The following RBPJ variants were observed in gnomAD, a reference collection of about 807,000 sequenced individuals.
RBPJ encodes the protein recombining binding protein suppressor of hairless.
RBPJ carries 9 observed loss-of-function variants against 67.8 expected under a neutral mutation model. The ratio of observed to expected loss-of-function variants is 0.13; its 90% CI spans 0.08 to 0.23. RBPJ has a LOEUF of 0.23. Among genes scored for constraint, RBPJ ranks in the 10% least tolerant of loss-of-function variants. The pLI, the probability that RBPJ is intolerant of heterozygous loss-of-function variation, is 1.00. For synonymous variants in RBPJ, 198 were observed against 203.3 expected (o/e 0.97, Z 0.22); for missense variants, 305 against 595.6 (o/e 0.51, Z 5.08).
At chr4:26,429,597 T>C (rs1328515386) in intron 8 of RBPJ, among the ~76,000 whole-genome samples, 3 of 152,246 alleles carry the variant, frequency 2.0e-5, no homozygotes, top group African/African-American at 7.2e-5. Context: ...ATTGATCTGC[T>C]GTTAATGAAA....
At chr4:26,399,940 A>G (rs1732593782) in intron 2 of RBPJ, among the ~76,000 whole-genome samples, 1 of 152,090 alleles carries the variant, frequency 6.6e-6, no homozygotes. Context: ...CAGCCTCCCA[A>G]AGTGCTGTGA....
In RBPJ at chr4:26,424,017, A is replaced by G. The variant is rs758116931; in HGVS notation, c.497-325A>G. On this transcript the variant is annotated intron_variant, in intron 5 of 10. Coordinates refer to ENST00000355476, the MANE Select transcript of RBPJ (RefSeq NM_015874.6). The surrounding 1 kb of genome is among the most constrained non-coding windows in gnomAD (Gnocchi z 5.3). ...GTGTGTTTAGATACACATCCTTTCA[A>G]TAGGTCATCATTTAAATTTCTACTG... Among the ~76,000 whole-genome samples the G allele has an allele frequency of 6.6e-6, 1 of 152,234 alleles. No homozygotes were observed. Among genetic ancestry groups the G allele is most frequent in the African/African-American group, 2.4e-5 (1 of 41,460 alleles).
At chr4:26,375,281 C>G (rs1729595495) in intron 1 of RBPJ, among the ~76,000 whole-genome samples, 1 of 130,960 alleles carries the variant, frequency 7.6e-6, no homozygotes. Flanking sequence ...AGAGGGAGAC[C>G]CTGTCTCAAA....
the RBPJ span, among the ~76,000 whole-genome samples, chr4:26,151,206 G>A: frequency 1.3e-5 from 2 of 152,136 alleles, no homozygotes; most frequent in African/African-American, 4.8e-5. Flanking sequence ...TTTTTTCCAG[G>A]AGGCTGTGCT....
At chr4:26,126,470 G>T in the RBPJ span, among the ~76,000 whole-genome samples, 1 of 152,242 alleles carries the variant, frequency 6.6e-6, no homozygotes, top group East Asian at 1.9e-4. Flanking sequence ...GTACGGCACA[G>T]GTGGGCATAT....
chr4:26,381,606 A>G (rs1344691561), intron 1 of RBPJ, among the ~76,000 whole-genome samples: 1 of 152,192 alleles, frequency 6.6e-6, no homozygotes, highest in African/African-American at 2.4e-5. Context: ...TGACATATAT[A>G]TGGTGAAGAA....
At chr4:26,156,414 C>CTTTTTTT in the RBPJ span, among the ~76,000 whole-genome samples, 18 of 93,550 alleles carry the variant, frequency 1.9e-4, no homozygotes, top group South Asian at 4.3e-4. Flanking sequence ...TCTTTTCTTT[C>CTTTTTTT]TTTTTTTTTT....
At chr4:26,348,436 A>G (rs1019851630) in intron 1 of RBPJ, among the ~76,000 whole-genome samples, 11 of 152,192 alleles carry the variant, frequency 7.2e-5, no homozygotes, top group Admixed American at 2.6e-4. Flanking sequence ...ATCTTTATCC[A>G]TATACTGTAA....
chr4:26,320,969 C>G, upstream of RBPJ: 1 of 1,610,934 alleles, frequency 6.2e-7, no homozygotes, highest in African/African-American at 1.3e-5. Context: ...GGAGAGGGAC[C>G]AGGGAAGGCG....
At chr4:26,411,988 G>A (rs111906395) in intron 3 of RBPJ, among the ~76,000 whole-genome samples, 5,786 of 151,092 alleles carry the variant, frequency 0.038, 147 homozygotes, top group East Asian at 0.1. Context: ...GGTGGCGGGT[G>A]CCTGTAGTCC....
chr4:26,399,438 T>C (rs1292761150), intron 2 of RBPJ, among the ~76,000 whole-genome samples: 1 of 152,196 alleles, frequency 6.6e-6, no homozygotes, highest in Non-Finnish European at 1.5e-5. Context: ...CTAGTAAAAG[T>C]AGATCCATTA....
At chr4:26,370,141 A>G (rs1729015168) in intron 1 of RBPJ, among the ~76,000 whole-genome samples, 1 of 152,186 alleles carries the variant, frequency 6.6e-6, no homozygotes, top group Admixed American at 6.5e-5. Flanking sequence ...AGGCCTTGTC[A>G]AATATAATAA....
At chr4:26,250,548 G>T (rs1252882058) in intron 1 of RBPJ, among the ~76,000 whole-genome samples, 2 of 152,032 alleles carry the variant, frequency 1.3e-5, no homozygotes. Context: ...GGCCAGGCTG[G>T]TGTCAAACTC....
At chr4:26,252,514 A>T (rs563228650) in intron 1 of RBPJ, among the ~76,000 whole-genome samples, 114 of 152,282 alleles carry the variant, frequency 7.5e-4, no homozygotes, top group Non-Finnish European at 1.1e-3. Flanking sequence ...TGAGCCTCAG[A>T]GGTCAAGGGT....
At chr4:26,270,413 GAAA>G (rs1720863351) in intron 1 of RBPJ, among the ~76,000 whole-genome samples, 1 of 55,824 alleles carries the variant, frequency 1.8e-5, no homozygotes, top group Non-Finnish European at 4.7e-5. Flanking sequence ...AAGAAAGAAA[GAAA>G]GAAAGAAAGA....
chr4:26,228,753 G>A (rs753359983), intron 1 of RBPJ, among the ~76,000 whole-genome samples: 2 of 152,216 alleles, frequency 1.3e-5, no homozygotes, highest in African/African-American at 2.4e-5. Context: ...TGAGTAATGG[G>A]TCTCTTCCCT....
At chr4:26,301,270 C>A (rs1403177067) in intron 1 of RBPJ, among the ~76,000 whole-genome samples, 9 of 152,118 alleles carry the variant, frequency 5.9e-5, no homozygotes, top group Admixed American at 4.6e-4. Context: ...TGTTTAAATT[C>A]CTTTAATAAC....
At chr4:26,327,100 GC>G (rs1723707060) in intron 1 of RBPJ, among the ~76,000 whole-genome samples, 1 of 152,084 alleles carries the variant, frequency 6.6e-6, no homozygotes, top group Admixed American at 6.6e-5. Context: ...CTCTTATCCT[GC>G]CCACAGTTCT....
At chr4:26,182,548 C>T (rs1717047447) in intron 1 of RBPJ, among the ~76,000 whole-genome samples, 1 of 149,134 alleles carries the variant, frequency 6.7e-6, no homozygotes, top group South Asian at 2.1e-4. Context: ...GGCTGGAGGG[C>T]AGTGGCCTGA....
Sources: gnomAD v4.1 joint callset for allele counts (sites outside exome capture counted in the v4.1 genomes callset) on GRCh38, gnomAD v4.1.1 for gene constraint, Gnocchi (gnomAD v3.1) non-coding constraint, MANE v1.5 for transcripts, NCBI Gene and HGNC (gene_info 2026-07-23, HGNC 2026-07-21) for gene names.